The following TPTE2 variants were observed in gnomAD, a reference collection of about 807,000 sequenced individuals.
The protein encoded by TPTE2 is phosphatidylinositol 3,4,5-trisphosphate 3-phosphatase TPTE2.
A neutral mutation model predicts 78.6 loss-of-function variants in TPTE2; 53 were observed. That is an observed-to-expected ratio of 0.67 (90% CI 0.54 to 0.85). The LOEUF (loss-of-function observed/expected upper bound fraction) is 0.85. Ranked by LOEUF, TPTE2 falls within the 40% of genes least tolerant of loss-of-function variation. The pLI, the probability that TPTE2 is intolerant of heterozygous loss-of-function variation, is 0.00. For missense variants in TPTE2, 461 were observed against 623.0 expected (o/e 0.74, Z 2.77); for synonymous variants, 175 against 206.2 (o/e 0.85, Z 1.30).
intron 1 of TPTE2, among the ~76,000 whole-genome samples, chr13:19,533,303 A>G (rs1176468014): frequency 6.6e-6 from 1 of 152,216 alleles, no homozygotes; most frequent in Non-Finnish European, 1.5e-5. Flanking sequence ...TAGAGAACCA[A>G]TCATCCCATT....
Position 19,535,221 on chromosome 13 carries a change from AAAAAT to A in TPTE2, c.-44+1370_-44+1374del, listed in dbSNP as rs1871136344. On this transcript the variant is annotated intron_variant, in intron 1 of 17. Transcript: ENST00000390680. This position sits in a 1 kb window ranked among gnomAD's most constrained non-coding sequence, Gnocchi z 5.1. ...CCTTCTCAAAAAAACAAACAAACAA[AAAAAT>A]ATATATATATATATATTCTTTAGAT... Among the ~76,000 whole-genome samples, 1 of 8,038 alleles carries A rather than the reference AAAAAT, an allele frequency of 1.2e-4. No homozygotes were observed. Among genetic ancestry groups the A allele is most frequent in the East Asian group, 0.012 (1 of 84 alleles). 5.3% of individuals were successfully genotyped at this position (8,038 alleles called of 152,430 possible). A position where few individuals can be genotyped will look rare whatever the true frequency, so the allele number is the denominator to read the frequency against.
chr13:19,498,157 C>A (rs1179613195), intron 1 of TPTE2, among the ~76,000 whole-genome samples: 1 of 151,972 alleles, frequency 6.6e-6, no homozygotes, highest in Admixed American at 6.6e-5. Flanking sequence ...ATGAAAAGAC[C>A]AAATCTACGT....
intron 10 of TPTE2, among the ~76,000 whole-genome samples, chr13:19,463,637 A>G (rs1879078283): frequency 6.6e-6 from 1 of 152,010 alleles, no homozygotes; most frequent in African/African-American, 2.4e-5. Context: ...GCTTTCATAG[A>G]GAAATACTTT....
chr13:19,467,734 T>C (rs1157214467), intron 6 of TPTE2, among the ~76,000 whole-genome samples: 4 of 152,138 alleles, frequency 2.6e-5, no homozygotes, highest in Admixed American at 1.3e-4. Context: ...CAAGTTATTG[T>C]TGACTATGGT....
intron 17 of TPTE2, among the ~76,000 whole-genome samples, chr13:19,429,878 C>T (rs1176631423): frequency 6.6e-6 from 1 of 152,160 alleles, no homozygotes; most frequent in Non-Finnish European, 1.5e-5. Context: ...GTCCCTTTTG[C>T]TTTGGATAAA....
chr13:19,506,203 G>C (rs1308448983), upstream of TPTE2, among the ~76,000 whole-genome samples: 1 of 66,616 alleles, frequency 1.5e-5, no homozygotes, highest in Admixed American at 2.3e-4. Flanking sequence ...ACGGAGTCTC[G>C]CTCTGTCGCC....
At chr13:19,511,468 G>A (rs1869438447) in intron 1 of TPTE2, among the ~76,000 whole-genome samples, 1 of 152,076 alleles carries the variant, frequency 6.6e-6, no homozygotes, top group African/African-American at 2.4e-5. Flanking sequence ...ATCTGTATAT[G>A]TCAATATGTA....
intron 10 of TPTE2, among the ~76,000 whole-genome samples, chr13:19,457,842 A>C (rs566806838): frequency 7.9e-5 from 12 of 152,238 alleles, no homozygotes; most frequent in Admixed American, 2.0e-4. Context: ...AATAAGTAAA[A>C]GGAACCATCT....
At chr13:19,442,090 A>G (rs1002490902) in intron 13 of TPTE2, among the ~76,000 whole-genome samples, 13 of 152,158 alleles carry the variant, frequency 8.5e-5, no homozygotes, top group African/African-American at 2.7e-4. Context: ...AAATAGATGT[A>G]CATAGAACAC....
chr13:19,462,054 C>T (rs1878945128), intron 10 of TPTE2, among the ~76,000 whole-genome samples: 1 of 150,086 alleles, frequency 6.7e-6, no homozygotes, highest in African/African-American at 2.5e-5. Flanking sequence ...TCATTTTGTT[C>T]ATTTTTTTCT....
At chr13:19,448,692 C>T (rs547123473) in intron 13 of TPTE2, among the ~76,000 whole-genome samples, 23 of 152,126 alleles carry the variant, frequency 1.5e-4, no homozygotes, top group African/African-American at 5.5e-4. Context: ...GAAAAGGGAC[C>T]CTCCCTTGTA....
At chr13:19,453,012 G>T (rs56906686) in intron 10 of TPTE2, among the ~76,000 whole-genome samples, 7,469 of 76,296 alleles carry the variant, frequency 0.098, 334 homozygotes, top group African/African-American at 0.29. Flanking sequence ...TTTATTTTAT[G>T]TTATTTTATG....
Position 19,430,449 on chromosome 13 carries a change from T to C in TPTE2, c.1302+19A>G. ...TAAAACAAACATCAGATTTTTTCAA[T>C]TCACATGTTTTCTCTTACCGAACAA... On this transcript the variant is annotated intron_variant, in intron 17 of 19. Coordinates refer to ENST00000400230, the Ensembl canonical transcript of TPTE2. The C allele has an allele frequency of 6.3e-7, 1 of 1,587,120 alleles. No homozygotes were observed.
chr13:19,506,828 T>C (rs538243457), upstream of TPTE2, among the ~76,000 whole-genome samples: 1 of 152,336 alleles, frequency 6.6e-6, no homozygotes, highest in Non-Finnish European at 1.5e-5. Context: ...GATACTTTGT[T>C]AAAGCAGCCC....
intron 13 of TPTE2, among the ~76,000 whole-genome samples, chr13:19,441,095 A>T (rs1593355690): frequency 6.6e-6 from 1 of 152,228 alleles, no homozygotes; most frequent in African/African-American, 2.4e-5. Context: ...CTCAAAAAAA[A>T]AAAAAATAAT....
At position 19,467,675 on chromosome 13, in the gene TPTE2, G is replaced by A. The variant is rs553698604; in HGVS notation, c.393-331C>T. Among the ~76,000 whole-genome samples, 441 of 152,126 alleles carry A rather than the reference G, an allele frequency of 2.9e-3. 1 individual carries two copies. Among genetic ancestry groups the A allele is most frequent in the Non-Finnish European group, 4.3e-3 (295 of 68,006 alleles). On this transcript the variant is annotated intron_variant, in intron 6 of 19. Coordinates refer to ENST00000400230, the Ensembl canonical transcript of TPTE2. Reference sequence around the variant, plus strand: ...ATCCCCTCAAGCATTTATCATTCACGTTACAAACAATCCAATTACACTCTT... The same window carrying A: ...ATCCCCTCAAGCATTTATCATTCACATTACAAACAATCCAATTACACTCTT...
At position 19,535,818 on chromosome 13, in the gene TPTE2, T is replaced by A. The variant is rs992882331; in HGVS notation, c.-44+778A>T. 1.1e-4 allele frequency among the ~76,000 whole-genome samples: 17 copies of A among 152,048 alleles called. No individual in the cohort carries two copies. Among genetic ancestry groups the A allele is most frequent in the Non-Finnish European group, 2.2e-4 (15 of 68,018 alleles). On this transcript the variant is annotated intron_variant, in intron 1 of 17. Coordinates refer to the TPTE2 transcript ENST00000390680. The surrounding 1 kb of genome is among the most constrained non-coding windows in gnomAD (Gnocchi z 5.1). ...GCCCAGCTATTTTTTGTATTTTTAGTAGAGATGAGGTTTCACTATGTTGGC... is the reference window on the plus strand; with the variant it reads ...GCCCAGCTATTTTTTGTATTTTTAGAAGAGATGAGGTTTCACTATGTTGGC...
chr13:19,423,088 C>T, exon 20 of TPTE2: 1 of 1,612,784 alleles, frequency 6.2e-7, no homozygotes, highest in Non-Finnish European at 8.5e-7. Flanking sequence ...AGTATCTCCA[C>T]AGCAAATTCT....
intron 11 of TPTE2, 61 bp downstream of exon 14, chr13:19,451,101 ATCT>A: frequency 6.3e-7 from 1 of 1,575,824 alleles, no homozygotes; most frequent in Non-Finnish European, 8.6e-7. Flanking sequence ...AAGCAAAATC[ATCT>A]TCTTACGTGC....
Sources: allele counts gnomAD v4.1 joint callset (sites outside exome capture counted in the v4.1 genomes callset), GRCh38; gene constraint gnomAD v4.1.1; non-coding constraint Gnocchi (gnomAD v3.1); transcripts MANE v1.5; gene names NCBI Gene and HGNC (gene_info 2026-07-23, HGNC 2026-07-21).